Variants in PPP1R12A observed in about 807,000 individuals in gnomAD.
PPP1R12A encodes the protein protein phosphatase 1 regulatory subunit 12A, also known as myosin binding subunit.
In PPP1R12A, 19 loss-of-function variants were observed where a neutral mutation model predicts 139.6. That is an observed-to-expected ratio of 0.14 (90% CI 0.09 to 0.20). The LOEUF (loss-of-function observed/expected upper bound fraction) is 0.20, where lower values mean the gene tolerates loss of function less well. Among genes scored for constraint, PPP1R12A ranks in the 10% least tolerant of loss-of-function variants. PPP1R12A has a pLI of 1.00. For synonymous variants in PPP1R12A, 427 were observed against 420.6 expected (o/e 1.02, Z -0.19); for missense variants, 925 against 1,211.5 (o/e 0.76, Z 3.51).
At chr12:79,869,924 T>C (rs1459192226) in intron 2 of PPP1R12A, among the ~76,000 whole-genome samples, 5 of 150,026 alleles carry the variant, frequency 3.3e-5, no homozygotes, top group African/African-American at 1.2e-4. Flanking sequence ...ATTATTATTA[T>C]TATTATTATT....
intron 1 of PPP1R12A, among the ~76,000 whole-genome samples, chr12:79,899,229 T>TAAAA (rs1305091901): frequency 1.5e-5 from 2 of 131,714 alleles, no homozygotes; most frequent in South Asian, 5.0e-4. Flanking sequence ...GCAGAGATCT[T>TAAAA]AAAAATATAT....
At chr12:79,781,293 ATCT>A (rs1347182443) in intron 23 of PPP1R12A, among the ~76,000 whole-genome samples, 1 of 152,172 alleles carries the variant, frequency 6.6e-6, no homozygotes, top group Non-Finnish European at 1.5e-5. Flanking sequence ...TTTTCTTGTA[ATCT>A]TTTTTTTGTT....
intron 4 of PPP1R12A, among the ~76,000 whole-genome samples, chr12:79,831,275 A>C (rs1193131843): frequency 1.3e-5 from 2 of 152,108 alleles, no homozygotes; most frequent in Non-Finnish European, 2.9e-5. Flanking sequence ...AAATTATTGA[A>C]GTTGAATAGA....
chr12:79,875,898 G>GA (rs947280908), intron 1 of PPP1R12A, among the ~76,000 whole-genome samples: 45 of 151,444 alleles, frequency 3.0e-4, no homozygotes, highest in African/African-American at 6.8e-4. Context: ...TCATATTTGG[G>GA]AAAAAAAACT....
chr12:79,909,666 G>A (rs1383363786), intron 1 of PPP1R12A, among the ~76,000 whole-genome samples: 1 of 151,672 alleles, frequency 6.6e-6, no homozygotes, highest in Non-Finnish European at 1.5e-5. Flanking sequence ...CCCGGGAGGT[G>A]GAGGCTGCAC....
chr12:79,814,837 A>AAAAAAAAAAAT (rs1255673726), intron 9 of PPP1R12A, among the ~76,000 whole-genome samples: 73 of 151,144 alleles, frequency 4.8e-4, no homozygotes, highest in Non-Finnish European at 8.7e-4. Flanking sequence ...AAAAAAAAAA[A>AAAAAAAAAAAT]AAAATTCAAA....
chr12:79,904,001 G>A (rs1204550628), intron 1 of PPP1R12A, among the ~76,000 whole-genome samples: 3 of 151,886 alleles, frequency 2.0e-5, no homozygotes, highest in Non-Finnish European at 4.4e-5. Context: ...TTTCACTTGA[G>A]GTCAGGAGTT....
intron 1 of PPP1R12A, among the ~76,000 whole-genome samples, chr12:79,904,767 G>T (rs962120941): frequency 2.0e-5 from 3 of 152,124 alleles, no homozygotes; most frequent in Non-Finnish European, 4.4e-5. Context: ...ACTCTGAAAG[G>T]CAACAGCACT....
intron 5 of PPP1R12A, among the ~76,000 whole-genome samples, chr12:79,823,592 C>CTT (rs11310475): frequency 7.1e-6 from 1 of 141,718 alleles, no homozygotes; most frequent in African/African-American, 2.6e-5. Flanking sequence ...TGAAAGGTAT[C>CTT]TTTTTTTTTT....
At chr12:79,825,914 G>A (rs879381366) in intron 5 of PPP1R12A, among the ~76,000 whole-genome samples, 1 of 151,354 alleles carries the variant, frequency 6.6e-6, no homozygotes, top group Non-Finnish European at 1.5e-5. Flanking sequence ...AAAAATCAAG[G>A]TCTTAAAATA....
intron 1 of PPP1R12A, among the ~76,000 whole-genome samples, chr12:79,881,320 T>C (rs1883616311): frequency 6.6e-6 from 1 of 152,170 alleles, no homozygotes; most frequent in South Asian, 2.1e-4. Flanking sequence ...GGAAAAGTTC[T>C]TGAAGGAAAT....
At chr12:79,916,762 C>G (rs1360979345) in intron 1 of PPP1R12A, among the ~76,000 whole-genome samples, 1 of 152,148 alleles carries the variant, frequency 6.6e-6, no homozygotes, top group Non-Finnish European at 1.5e-5. Context: ...GAAATAAATA[C>G]TGAACCATCA....
intron 1 of PPP1R12A, among the ~76,000 whole-genome samples, chr12:79,915,390 A>G (rs920420470): frequency 1.3e-5 from 2 of 152,188 alleles, no homozygotes; most frequent in Non-Finnish European, 2.9e-5. Context: ...GCTGAACAGC[A>G]AACAAATCTA....
chr12:79,935,013 T>C lies in PPP1R12A; in HGVS notation c.-82A>G. ...GGGAAGAGAGGGGAGGCAGGGGGTG[T>C]GTGAATGTTTCTATGAGTGCGGGCC... On this transcript the variant is annotated 5_prime_UTR_variant, in exon 1 of 25. Coordinates refer to ENST00000450142, the MANE Select transcript of PPP1R12A (RefSeq NM_002480.3). The C allele has an allele frequency of 6.8e-7, 1 of 1,477,538 alleles. No homozygotes were observed. Among genetic ancestry groups the C allele is most frequent in the Non-Finnish European group, 9.0e-7 (1 of 1,112,878 alleles). The allele number at this position is 1,477,538 out of a possible 1,614,324, so 91.5% of individuals were successfully genotyped here. A position where few individuals can be genotyped will look rare whatever the true frequency, so the allele number is the denominator to read the frequency against.
In PPP1R12A at chr12:79,834,941, T is replaced by C. The variant is rs528426197; in HGVS notation, c.488-2450A>G. On this transcript the variant is annotated intron_variant, in intron 3 of 24. Transcript: ENST00000450142. Reference sequence around the variant, plus strand: ...TGTTAATTGTGTCAACTTAACTGGATTGAGAGATTCCTAGATGGCTGGTGA... The same window carrying C: ...TGTTAATTGTGTCAACTTAACTGGACTGAGAGATTCCTAGATGGCTGGTGA... Among the ~76,000 whole-genome samples the C allele has an allele frequency of 2.6e-5, 4 of 152,262 alleles. No homozygotes were observed. In the East Asian group the frequency reaches 5.8e-4, roughly 22 times the overall value.
intron 1 of PPP1R12A, among the ~76,000 whole-genome samples, chr12:79,891,391 G>C (rs1884629578): frequency 6.6e-6 from 1 of 152,106 alleles, no homozygotes; most frequent in Non-Finnish European, 1.5e-5. Flanking sequence ...CATTTAGATG[G>C]GGGCAGAGGG....
intron 1 of PPP1R12A, among the ~76,000 whole-genome samples, chr12:79,911,602 GT>G (rs373594794): frequency 1.1e-4 from 17 of 150,776 alleles, no homozygotes; most frequent in African/African-American, 3.7e-4. Context: ...GAAATAAAAG[GT>G]TTTTTTTTAA....
chr12:79,931,513 T>G (rs964001416), intron 1 of PPP1R12A, among the ~76,000 whole-genome samples: 1 of 152,098 alleles, frequency 6.6e-6, no homozygotes, highest in Non-Finnish European at 1.5e-5. Flanking sequence ...TGGAGAAAAA[T>G]CTCAGCCCTG....
chr12:79,799,792 T>C (rs931782104), intron 14 of PPP1R12A, among the ~76,000 whole-genome samples: 2 of 152,034 alleles, frequency 1.3e-5, no homozygotes, highest in African/African-American at 4.8e-5. Flanking sequence ...GGCTGATTGC[T>C]TGAGCCCAGG....
Sources: gnomAD v4.1 joint callset for allele counts (sites outside exome capture counted in the v4.1 genomes callset) on GRCh38, gnomAD v4.1.1 for gene constraint, MANE v1.5 for transcripts, NCBI Gene and HGNC (gene_info 2026-07-23, HGNC 2026-07-21) for gene names.